SUSD4: variants seen among roughly 807,000 people sequenced by gnomAD.
SUSD4 encodes sushi domain-containing protein 4.
In SUSD4, 41 loss-of-function variants were observed where a neutral mutation model predicts 50.5. The observed-to-expected ratio is 0.81, with a 90% CI of 0.63 to 1.05. The LOEUF (loss-of-function observed/expected upper bound fraction) is 1.05, where lower values mean the gene tolerates loss of function less well. SUSD4 is among the 50% of genes least tolerant of loss of function. The pLI is 0.00. For synonymous variants in SUSD4, 257 were observed against 257.3 expected, an observed-to-expected ratio of 1.00 and a Z score of 0.01; for missense variants, 580 against 634.7, an observed-to-expected ratio of 0.91 and a Z score of 0.93.
intron 5 of SUSD4, chr1:223,264,315 T>C: frequency 9.3e-7 from 1 of 1,070,462 alleles, no homozygotes; most frequent in Non-Finnish European, 1.1e-6. Context: ...TCTGTTCCCA[T>C]TTGGTGCAGA....
intron 3 of SUSD4, among the ~76,000 whole-genome samples, chr1:223,276,121 T>C (rs977366440): frequency 6.6e-6 from 1 of 152,240 alleles, no homozygotes; most frequent in African/African-American, 2.4e-5. Context: ...GTCTGCATTT[T>C]TCATAAGTAG....
intron 2 of SUSD4, among the ~76,000 whole-genome samples, chr1:223,356,718 C>T (rs948638510): frequency 6.6e-6 from 1 of 152,168 alleles, no homozygotes; most frequent in Non-Finnish European, 1.5e-5. Flanking sequence ...GAAGAGATTG[C>T]TCCTAATCTG....
rs76879468 is a variant in SUSD4 at position 223,294,116 on chromosome 1, C to T, written c.149-1465G>A. 5.4e-3 allele frequency among the ~76,000 whole-genome samples: 821 copies of T among 152,324 alleles called. 44 individuals carry two copies. In the East Asian group the frequency reaches 0.12, roughly 21 times the overall value. On this transcript the variant is annotated intron_variant, in intron 2 of 8. Coordinates refer to ENST00000366878, the MANE Select transcript of SUSD4 (RefSeq NM_017982.4). ...CTACAGAGGCATTCTACTCCATTCT[C>T]TTACTCACAAAATCAATAGACAAAT... is the stretch of plus-strand genomic sequence containing the variant.
chr1:223,247,577 A>C (rs1661025943), intron 5 of SUSD4, among the ~76,000 whole-genome samples: 1 of 152,248 alleles, frequency 6.6e-6, no homozygotes, highest in African/African-American at 2.4e-5. Context: ...AACAGATGTG[A>C]ATCTGCTTTG....
In SUSD4 at chr1:223,341,632, A is replaced by T. The variant is rs371838262; in HGVS notation, c.148+21646T>A. 2.0e-4 allele frequency among the ~76,000 whole-genome samples: 30 copies of T among 152,170 alleles called. No homozygotes were observed. In the East Asian group the frequency reaches 5.6e-3, roughly 28 times the overall value. The stretch of plus-strand genomic sequence containing the variant: ...TTCTCAGGTTCAGGTCTTGTTTTAA[A>T]TACACAAACGGAGGGACAATCAGCA... On this transcript the variant is annotated intron_variant, in intron 2 of 8. Transcript: ENST00000366878.
chr1:223,283,914 A>G (rs1261757040), intron 3 of SUSD4, among the ~76,000 whole-genome samples: 2 of 152,234 alleles, frequency 1.3e-5, no homozygotes, highest in East Asian at 1.9e-4. Flanking sequence ...AAAAAGGATG[A>G]GTTCATGTCC....
intron 2 of SUSD4, among the ~76,000 whole-genome samples, chr1:223,316,548 C>G (rs1031010306): frequency 2.6e-5 from 4 of 152,084 alleles, no homozygotes; most frequent in African/African-American, 9.7e-5. Flanking sequence ...TGGAGAAGCC[C>G]GTTGACCTGC....
At chr1:223,312,566 C>T (rs187686886) in intron 2 of SUSD4, among the ~76,000 whole-genome samples, 2 of 152,260 alleles carry the variant, frequency 1.3e-5, no homozygotes, top group African/African-American at 4.8e-5. Context: ...TTACCCTGTC[C>T]ATCTCTCAGA....
At chr1:223,305,884 C>T (rs1356973784) in intron 2 of SUSD4, among the ~76,000 whole-genome samples, 1 of 152,148 alleles carries the variant, frequency 6.6e-6, no homozygotes. Flanking sequence ...ACACTGCACT[C>T]ATGATTGTAA....
intron 2 of SUSD4, among the ~76,000 whole-genome samples, chr1:223,323,434 G>C (rs1387425992): frequency 3.3e-5 from 5 of 152,048 alleles, no homozygotes; most frequent in Admixed American, 2.6e-4. Context: ...GATCAACAGG[G>C]GCCCCAGAGA....
intron 2 of SUSD4, among the ~76,000 whole-genome samples, chr1:223,333,442 T>C (rs1667286664): frequency 1.3e-5 from 2 of 152,004 alleles, no homozygotes; most frequent in South Asian, 2.1e-4. Flanking sequence ...CAAATTAAAA[T>C]TAGTGCTTCC....
intron 2 of SUSD4, among the ~76,000 whole-genome samples, chr1:223,351,598 G>A (rs1389080640): frequency 6.6e-6 from 1 of 152,096 alleles, no homozygotes; most frequent in African/African-American, 2.4e-5. Context: ...ACAGAGGGGC[G>A]CCCAGATGCA....
At chr1:223,262,776 C>T (rs1399954077) in intron 5 of SUSD4, among the ~76,000 whole-genome samples, 1 of 152,074 alleles carries the variant, frequency 6.6e-6, no homozygotes, top group Non-Finnish European at 1.5e-5. Flanking sequence ...CTATTGAAAA[C>T]GGAGATGTAA....
At chr1:223,348,692 A>G (rs1668180343) in intron 2 of SUSD4, among the ~76,000 whole-genome samples, 1 of 152,210 alleles carries the variant, frequency 6.6e-6, no homozygotes, top group African/African-American at 2.4e-5. Context: ...CCCTAGCCTA[A>G]AGGTGCGTAA....
Position 223,231,026 on chromosome 1 carries a change from T to C in SUSD4, c.725-1638A>G, listed in dbSNP as rs980835512. ...GAAGCCAGCAGGAACACCCCAAGAT[T>C]AGTGAGAGCAGGAAGCCACTACCGC... On this transcript the variant is annotated intron_variant, in intron 5 of 8. Coordinates refer to ENST00000366878, the MANE Select transcript of SUSD4 (RefSeq NM_017982.4). This position sits in a 1 kb window ranked among gnomAD's most constrained non-coding sequence, Gnocchi z 4.2. 6.6e-6 allele frequency among the ~76,000 whole-genome samples: 1 copy of C among 151,958 alleles called. No homozygotes were observed. The highest frequency in any genetic ancestry group is 2.4e-5 in the African/African-American group (1 of 41,358).
chr1:223,337,030 G>A (rs564463175), intron 2 of SUSD4, among the ~76,000 whole-genome samples: 12 of 152,258 alleles, frequency 7.9e-5, no homozygotes, highest in African/African-American at 2.4e-4. Context: ...ATACTTTGTC[G>A]TTAACTTGTT....
Position 223,227,456 on chromosome 1 carries a change from A to C in SUSD4, c.1061+138T>G, listed in dbSNP as rs1659592994. The C allele has an allele frequency of 2.5e-6, 3 of 1,196,874 alleles. No homozygotes were observed. The highest frequency in any genetic ancestry group is 3.5e-6 in the Non-Finnish European group (3 of 868,408). 74.1% of individuals were successfully genotyped at this position (1,196,874 alleles called of 1,614,324 possible). On this transcript the variant is annotated intron_variant, in intron 7 of 8. Transcript: ENST00000366878. The surrounding 1 kb of genome is among the most constrained non-coding windows in gnomAD (Gnocchi z 4.5). ...CTGTCTCCAGCTTTGTGCTCAAAAC[A>C]TCCCAGAACATTGTTTTTGCTCTCC...
At chr1:223,333,475 A>G (rs1421986594) in intron 2 of SUSD4, among the ~76,000 whole-genome samples, 1 of 152,200 alleles carries the variant, frequency 6.6e-6, no homozygotes, top group African/African-American at 2.4e-5. Flanking sequence ...TAGATTGAAC[A>G]TGTGATCATT....
At chr1:223,287,014 G>GT (rs1664188561) in intron 3 of SUSD4, among the ~76,000 whole-genome samples, 1 of 152,214 alleles carries the variant, frequency 6.6e-6, no homozygotes, top group Non-Finnish European at 1.5e-5. Context: ...ATTGGTGGGT[G>GT]ACTGCTGTCA....
Sources: gnomAD v4.1 joint callset for allele counts (sites outside exome capture counted in the v4.1 genomes callset) on GRCh38, gnomAD v4.1.1 for gene constraint, Gnocchi (gnomAD v3.1) non-coding constraint, MANE v1.5 for transcripts, NCBI Gene and HGNC (gene_info 2026-07-23, HGNC 2026-07-21) for gene names.